Variants in WASL observed in about 807,000 individuals in gnomAD.
The protein encoded by WASL is WASP like actin nucleation promoting factor.
WASL carries 20 observed loss-of-function variants against 55.5 expected under a neutral mutation model. The observed-to-expected ratio is 0.36, with a 90% CI of 0.25 to 0.52. The LOEUF is 0.52. Among genes scored for constraint, WASL ranks in the 20% least tolerant of loss-of-function variants. The pLI is 0.92. For missense variants in WASL, 504 were observed against 622.5 expected (o/e 0.81, Z 2.03); for synonymous variants, 249 against 217.6 (o/e 1.14, Z -1.27).
chr7:123,747,787 T>C (rs956059711), intron 1 of WASL, among the ~76,000 whole-genome samples: 1 of 152,130 alleles, frequency 6.6e-6, no homozygotes, highest in African/African-American at 2.4e-5. Flanking sequence ...ATGTAATGAA[T>C]GCTTCCGTCA....
chr7:123,686,777 A>G (rs1238534161), intron 10 of WASL, among the ~76,000 whole-genome samples: 2 of 152,156 alleles, frequency 1.3e-5, no homozygotes, highest in Admixed American at 1.3e-4. Context: ...TGACATTACT[A>G]TGACATAAAA....
At chr7:123,715,077 A>G (rs556117514) in intron 1 of WASL, among the ~76,000 whole-genome samples, 50 of 152,318 alleles carry the variant, frequency 3.3e-4, no homozygotes, top group Admixed American at 1.2e-3. Context: ...ATTTAAAGAG[A>G]TAAACAGCCA....
intron 1 of WASL, among the ~76,000 whole-genome samples, chr7:123,719,514 T>C (rs1803900586): frequency 6.6e-6 from 1 of 152,186 alleles, no homozygotes; most frequent in South Asian, 2.1e-4. Context: ...GCTGTAAGTC[T>C]GCCTTTCTTC....
chr7:123,703,745 A>G (rs1433378805), intron 5 of WASL, among the ~76,000 whole-genome samples: 1 of 152,218 alleles, frequency 6.6e-6, no homozygotes, highest in Non-Finnish European at 1.5e-5. Context: ...GCTGTCATAT[A>G]TTAAGAACTC....
chr7:123,706,591 C>A, intron 3 of WASL, 149 bp downstream of exon 3: 2 of 746,500 alleles, frequency 2.7e-6, no homozygotes, highest in Non-Finnish European at 2.2e-6. Context: ...ACAGCAGACA[C>A]ATATACTAAT....
At chr7:123,684,813 C>T (rs1446133482) in intron 10 of WASL, among the ~76,000 whole-genome samples, 2 of 151,986 alleles carry the variant, frequency 1.3e-5, no homozygotes, top group Non-Finnish European at 2.9e-5. Context: ...TCCTTAATAT[C>T]TATGTGACAA....
chr7:123,717,691 C>T lies in WASL; in HGVS notation c.118-8468G>A, dbSNP rs1434525603. ...CAAAGTGAAGGAAATTACAGATGTG[C>T]TATTACATTACTAGTAACTGGTTTC... is the stretch of plus-strand genomic sequence containing the variant. On this transcript the variant is annotated intron_variant, in intron 1 of 10. Transcript: ENST00000223023. Among the ~76,000 whole-genome samples the T allele has an allele frequency of 2.0e-5, 3 of 152,190 alleles. No individual in the cohort carries two copies. In the South Asian group the frequency reaches 6.2e-4, roughly 31 times the overall value.
At chr7:123,686,578 T>TA (rs932216771) in intron 10 of WASL, among the ~76,000 whole-genome samples, 11 of 151,468 alleles carry the variant, frequency 7.3e-5, no homozygotes, top group East Asian at 5.8e-4. Context: ...TACATACTAT[T>TA]AAAAAAAAAC....
At chr7:123,729,476 G>A (rs1021033756) in intron 1 of WASL, among the ~76,000 whole-genome samples, 9 of 152,078 alleles carry the variant, frequency 5.9e-5, no homozygotes, top group Non-Finnish European at 1.3e-4. Context: ...ACTGCTATCA[G>A]AGCTTTTTTC....
chr7:123,739,716 T>C (rs904151426), intron 1 of WASL, among the ~76,000 whole-genome samples: 4 of 152,192 alleles, frequency 2.6e-5, no homozygotes, highest in African/African-American at 7.2e-5. Flanking sequence ...GACAGGTTTA[T>C]CAGGACATAA....
intron 9 of WASL, 28 bp from the exon 10 acceptor site, chr7:123,689,178 G>C: frequency 6.4e-7 from 1 of 1,573,522 alleles, no homozygotes; most frequent in Non-Finnish European, 8.7e-7. Flanking sequence ...GCAAAACTCA[G>C]TAATAAATCT....
intron 1 of WASL, 116 bp from the exon 2 acceptor site, chr7:123,709,339 A>T (rs988332944): frequency 2.6e-6 from 2 of 764,810 alleles, no homozygotes; most frequent in African/African-American, 1.8e-5. Context: ...TTCCTGATTC[A>T]CAGAAACAAG....
chr7:123,684,635 A>G (rs1056453747), intron 10 of WASL, 55 bp from the exon 11 acceptor site: 47 of 1,472,488 alleles, frequency 3.2e-5, no homozygotes, highest in African/African-American at 4.3e-5. Context: ...GACATTACAT[A>G]ATTCTTGGGT....
chr7:123,702,598 T>C (rs1803609630), intron 5 of WASL, among the ~76,000 whole-genome samples: 1 of 152,214 alleles, frequency 6.6e-6, no homozygotes, highest in South Asian at 2.1e-4. Context: ...GTTCTGAACA[T>C]GTACAGAACA....
intron 1 of WASL, among the ~76,000 whole-genome samples, chr7:123,730,206 T>C (rs1804114590): frequency 6.6e-6 from 1 of 152,142 alleles, no homozygotes; most frequent in Non-Finnish European, 1.5e-5. Flanking sequence ...GCAAAAAATG[T>C]TTAAAGTTCT....
chr7:123,693,288 T>C, intron 8 of WASL, among the ~76,000 whole-genome samples: 1 of 152,354 alleles, frequency 6.6e-6, no homozygotes, highest in East Asian at 1.9e-4. Context: ...ACTTATTTTT[T>C]TAAGTAAAAT....
In WASL at chr7:123,694,333, T is replaced by C. The variant is rs187471055; in HGVS notation, c.826+382A>G. ...ATTTCAAAATAGAAAGTTTACATTA[T>C]TTATATTCTGGAAATGCGTATATTA... On this transcript the variant is annotated intron_variant, in intron 8 of 10. Transcript: ENST00000223023. 4.6e-3 allele frequency among the ~76,000 whole-genome samples: 697 copies of C among 152,286 alleles called. 6 individuals are homozygous for C. Among genetic ancestry groups the C allele is most frequent in the Non-Finnish European group, 7.0e-3 (477 of 68,004 alleles).
At chr7:123,727,382 CAA>C (rs1491180500) in intron 1 of WASL, among the ~76,000 whole-genome samples, 1 of 151,626 alleles carries the variant, frequency 6.6e-6, no homozygotes, top group African/African-American at 2.4e-5. Context: ...CACACACACA[CAA>C]ACTTATACAA....
intron 1 of WASL, among the ~76,000 whole-genome samples, chr7:123,727,004 A>G (rs1261559243): frequency 1.3e-5 from 2 of 152,184 alleles, no homozygotes. Flanking sequence ...TCAACCCACT[A>G]AATCTATGGG....
Sources: allele counts gnomAD v4.1 joint callset (sites outside exome capture counted in the v4.1 genomes callset), GRCh38; gene constraint gnomAD v4.1.1; transcripts MANE v1.5; gene names NCBI Gene and HGNC (gene_info 2026-07-23, HGNC 2026-07-21).